PTK2: variants seen among roughly 807,000 people sequenced by gnomAD.
PTK2 encodes focal adhesion kinase 1.
Under a neutral mutation model 150.1 loss-of-function variants are expected in PTK2, and 45 were observed. The observed-to-expected ratio is 0.30, with a 90% confidence interval of 0.24 to 0.38. The LOEUF (loss-of-function observed/expected upper bound fraction) is 0.38. Among genes scored for constraint, PTK2 ranks in the 10% least tolerant of loss-of-function variants. PTK2 has a pLI of 1.00. For synonymous variants in PTK2, 432 were observed against 449.2 expected (o/e 0.96, Z 0.48); for missense variants, 919 against 1,307.3 (o/e 0.70, Z 4.58).
At chr8:140,721,722 CTTTATGTTG>C (rs2100043019) in intron 22 of PTK2, 2 of 152,196 alleles carry the variant, frequency 1.3e-5, no homozygotes, top group African/African-American at 4.8e-5. Context: ...TCCCATGCCT[CTTTATGTTG>C]TGTCTCTTGC....
At chr8:140,746,572 G>A in intron 18 of PTK2, 188 bp downstream of exon 21, 1 of 479,718 alleles carries the variant, frequency 2.1e-6, no homozygotes, top group Non-Finnish European at 3.7e-6. Flanking sequence ...TACTGCATAA[G>A]GGGATGCTTT....
Position 140,744,743 on chromosome 8 carries a change from TC to T in PTK2, c.1542del (p.Lys515AsnfsTer6). ...AAAGATGCTAGATCCAAACTGTATT[TC>T]CTTACTTGCAAAAATGACCTCAGCT... On this transcript the variant is annotated frameshift_variant, in exon 19 of 32. Transcript: ENST00000522684. LOFTEE classifies it high-confidence loss of function. 6.2e-7 allele frequency: 1 copy of T among 1,600,116 alleles called. No homozygotes were observed.
At chr8:140,815,926 GAC>G (rs1260604105) in intron 10 of PTK2, among the ~76,000 whole-genome samples, 1 of 152,136 alleles carries the variant, frequency 6.6e-6, no homozygotes, top group East Asian at 1.9e-4. Flanking sequence ...CCCAAATAAT[GAC>G]ACACTTTTAA....
chr8:140,668,614 C>T (rs2093800655), intron 29 of PTK2, 190 bp from the exon 34 acceptor site: 2 of 572,564 alleles, frequency 3.5e-6, no homozygotes, highest in East Asian at 6.5e-5. Context: ...ACAAATTAGG[C>T]AGTATTTTCT....
At chr8:140,815,897 ACT>A (rs1347386826) in intron 10 of PTK2, among the ~76,000 whole-genome samples, 2 of 152,150 alleles carry the variant, frequency 1.3e-5, no homozygotes, top group Non-Finnish European at 2.9e-5. Context: ...TGTTATTAAA[ACT>A]CAACAATAAA....
chr8:140,907,105 C>T (rs140207458), intron 2 of PTK2, among the ~76,000 whole-genome samples: 4 of 152,242 alleles, frequency 2.6e-5, no homozygotes, highest in African/African-American at 9.6e-5. Flanking sequence ...ATGAAGAGGA[C>T]GCAATCGGAT....
intron 7 of PTK2, among the ~76,000 whole-genome samples, chr8:140,836,496 T>C (rs936367204): frequency 6.6e-6 from 1 of 152,190 alleles, no homozygotes; most frequent in Non-Finnish European, 1.5e-5. Flanking sequence ...ACTGATTGTC[T>C]ATCACTTCTT....
chr8:140,894,510 T>C (rs149244759), intron 2 of PTK2, among the ~76,000 whole-genome samples: 150 of 152,288 alleles, frequency 9.8e-4, no homozygotes, highest in African/African-American at 3.3e-3. Flanking sequence ...GAGTAAACTA[T>C]GGTACATTCC....
chr8:140,956,471 T>G (rs2100181254), intron 1 of PTK2, among the ~76,000 whole-genome samples: 1 of 152,242 alleles, frequency 6.6e-6, no homozygotes. Context: ...ACCTAACACT[T>G]GATAAACAAT....
chr8:140,670,481 AAAC>A (rs869143558), intron 29 of PTK2, among the ~76,000 whole-genome samples: 3 of 35,620 alleles, frequency 8.4e-5, no homozygotes, highest in Admixed American at 2.7e-4. Flanking sequence ...AAAAAAAAAA[AAAC>A]AACAACACAC....
At chr8:140,789,565 TC>T in intron 13 of PTK2, 39 bp from the exon 14 acceptor site, 1 of 1,596,936 alleles carries the variant, frequency 6.3e-7, no homozygotes. Flanking sequence ...CCCTGCAATT[TC>T]CCCAGGACCC....
chr8:140,973,758 C>G (rs973296560), intron 1 of PTK2, among the ~76,000 whole-genome samples: 1 of 152,138 alleles, frequency 6.6e-6, no homozygotes, highest in South Asian at 2.1e-4. Context: ...TAAACTTTGC[C>G]ATGACCTAGG....
At chr8:140,696,578 C>A (rs544960985) in intron 26 of PTK2, among the ~76,000 whole-genome samples, 1 of 152,204 alleles carries the variant, frequency 6.6e-6, no homozygotes, top group African/African-American at 2.4e-5. Flanking sequence ...GGCTGAGAAA[C>A]CCTGGTGTAG....
intron 21 of PTK2, among the ~76,000 whole-genome samples, chr8:140,737,968 T>C (rs1440199955): frequency 6.6e-6 from 1 of 152,188 alleles, no homozygotes; most frequent in African/African-American, 2.4e-5. Flanking sequence ...CCTAGTTATC[T>C]ATGGGGGCAT....
chr8:140,931,886 T>C (rs995957713), intron 1 of PTK2, among the ~76,000 whole-genome samples: 2 of 141,052 alleles, frequency 1.4e-5, no homozygotes, highest in African/African-American at 5.5e-5. Context: ...TGAGCCATGA[T>C]TGGGCCACTG....
At chr8:140,996,656 T>A (rs983432363) in intron 1 of PTK2, among the ~76,000 whole-genome samples, 1 of 152,204 alleles carries the variant, frequency 6.6e-6, no homozygotes, top group African/African-American at 2.4e-5. Context: ...ACAAATGGAA[T>A]AACAAAGCCT....
chr8:140,987,967 CCTGGGAGGTTGAGG>C (rs1244977528), intron 1 of PTK2, among the ~76,000 whole-genome samples: 1 of 151,542 alleles, frequency 6.6e-6, no homozygotes, highest in African/African-American at 2.4e-5. Context: ...ATCACTTGAG[CCTGGGAGGTTGAGG>C]CTGCAGTGAG....
At chr8:140,984,580 T>C (rs759575030) in intron 1 of PTK2, among the ~76,000 whole-genome samples, 4 of 152,146 alleles carry the variant, frequency 2.6e-5, no homozygotes, top group Non-Finnish European at 4.4e-5. Flanking sequence ...TATTTTGAGG[T>C]AGTTTCTCCA....
intron 1 of PTK2, among the ~76,000 whole-genome samples, chr8:140,948,363 G>A (rs1399600822): frequency 6.6e-6 from 1 of 152,142 alleles, no homozygotes. Flanking sequence ...AACAAAATAT[G>A]AGGCAGAACA....
Sources: allele counts gnomAD v4.1 joint callset (sites outside exome capture counted in the v4.1 genomes callset), GRCh38; gene constraint gnomAD v4.1.1; transcripts MANE v1.5; gene names NCBI Gene and HGNC (gene_info 2026-07-23, HGNC 2026-07-21).